The following STRN3 variants were observed in gnomAD, a reference collection of about 807,000 sequenced individuals.
STRN3 encodes the protein striatin-3.
A neutral mutation model predicts 95.6 loss-of-function variants in STRN3; 29 were observed. The observed-to-expected ratio is 0.30, with a 90% CI of 0.23 to 0.41. The LOEUF is 0.41. STRN3 is among the 10% of genes least tolerant of loss of function. STRN3 has a pLI of 1.00. For synonymous variants in STRN3, 331 were observed against 357.6 expected (o/e 0.93, Z 0.84); for missense variants, 890 against 972.1 (o/e 0.92, Z 1.12).
At chr14:30,994,846 T>G (rs1216006517) in intron 1 of STRN3, among the ~76,000 whole-genome samples, 2 of 152,364 alleles carry the variant, frequency 1.3e-5, no homozygotes, top group Non-Finnish European at 2.9e-5. Flanking sequence ...CAAAATAATT[T>G]GGTCATTTAA....
chr14:30,996,308 C>A (rs1343861439), intron 1 of STRN3, among the ~76,000 whole-genome samples: 1 of 152,106 alleles, frequency 6.6e-6, no homozygotes, highest in Non-Finnish European at 1.5e-5. Flanking sequence ...TAGAAAGGAG[C>A]CACTAGCACA....
intron 1 of STRN3, among the ~76,000 whole-genome samples, chr14:30,977,710 T>C (rs1881175025): frequency 1.3e-5 from 2 of 148,904 alleles, no homozygotes. Context: ...GGAGAATCGC[T>C]TGAACCCAGA....
rs755337654 is a variant in STRN3 at position 30,902,596 on chromosome 14, G to A, written c.2077C>T (p.Leu693Phe). 6.2e-6 allele frequency: 10 copies of A among 1,609,176 alleles called. No homozygotes were observed. In the South Asian group the frequency reaches 1.1e-4, roughly 18 times the overall value. The change falls in exon 16 of 18, where the codon CTT (leucine) becomes TTT (phenylalanine). Residue 693 changes from leucine to phenylalanine, a missense_variant. Transcript: ENST00000357479. Reference sequence around the variant, plus strand: ...TCATGAGCAGTTATTGTAACAGGAAGTGTGGGATGACTTACTACTCTGTTG... The same window carrying A: ...TCATGAGCAGTTATTGTAACAGGAAATGTGGGATGACTTACTACTCTGTTG... ...HINRVVSHPTLPVTITAHEDR... is the reference protein window; with the variant it reads ...HINRVVSHPTFPVTITAHEDR...
At chr14:30,911,216 C>A in intron 12 of STRN3, 54 bp from the exon 13 acceptor site, 1 of 1,540,096 alleles carries the variant, frequency 6.5e-7, no homozygotes, top group South Asian at 1.2e-5. Context: ...AGAAGAAACT[C>A]AAATCTCCAT....
Position 30,981,912 on chromosome 14 carries a change from T to C in STRN3, c.283-25670A>G, listed in dbSNP as rs371286781. On this transcript the variant is annotated intron_variant, in intron 1 of 17. Transcript: ENST00000357479. ...GAGTTCGAGACCAGCCTGGCCAACATGGTGAAACCCCATCTCTACTAAAAA... is the reference window on the plus strand; with the variant it reads ...GAGTTCGAGACCAGCCTGGCCAACACGGTGAAACCCCATCTCTACTAAAAA... 1.0e-3 allele frequency among the ~76,000 whole-genome samples: 159 copies of C among 151,978 alleles called. 5 individuals are homozygous for C. The South Asian group carries it at 0.031, about 30-fold the overall frequency.
intron 1 of STRN3, among the ~76,000 whole-genome samples, chr14:31,004,378 T>A (rs2139300492): frequency 6.6e-6 from 1 of 151,952 alleles, no homozygotes; most frequent in East Asian, 1.9e-4. Flanking sequence ...AAAGTAGGAA[T>A]CACTTAAGCC....
rs182885777 is a variant in STRN3, at chr14:31,023,421, G to C, written c.282+2483C>G. Among the ~76,000 whole-genome samples the C allele has an allele frequency of 1.9e-4, 29 of 152,228 alleles. 1 individual carries two copies. Among genetic ancestry groups the C allele is most frequent in the African/African-American group, 6.3e-4 (26 of 41,562 alleles). ...ACCTTTACTCTAAATTCTTTTTACAGAGAACAGAATCATACTGTAAAGTTC... is the reference window on the plus strand; with the variant it reads ...ACCTTTACTCTAAATTCTTTTTACACAGAACAGAATCATACTGTAAAGTTC... On this transcript the variant is annotated intron_variant, in intron 1 of 17. Transcript: ENST00000357479.
chr14:30,931,990 G>C (rs994307823), intron 7 of STRN3: 3 of 152,270 alleles, frequency 2.0e-5, no homozygotes, highest in African/African-American at 7.2e-5. Flanking sequence ...ATCTGGGCTG[G>C]GCATCATGGC....
chr14:31,007,973 A>T (rs1222333914), intron 1 of STRN3, among the ~76,000 whole-genome samples: 10 of 151,310 alleles, frequency 6.6e-5, no homozygotes. Flanking sequence ...CAGGCGGATC[A>T]CCTGAGGTCA....
chr14:30,935,202 C>T lies in STRN3; in HGVS notation c.949G>A (p.Ala317Thr). The change falls in exon 7 of 18, where the codon GCT (alanine) becomes ACT (threonine). Residue 317 changes from alanine (A) to threonine (T), a missense_variant. By Grantham distance (58) the Ala-to-Thr change is moderately conservative. Transcript: ENST00000357479. Reference protein sequence around the residue: ...FLVTAEDGEGAGEARSSGDGT... With the variant: ...FLVTAEDGEGTGEARSSGDGT... ...TCCCCCGAACTCCGTGCTTCTCCAG[C>T]TCCTTCACCATCTTCAGCAGTCACT... The T allele has an allele frequency of 6.2e-7, 1 of 1,614,160 alleles. No individual in the cohort carries two copies. Among genetic ancestry groups the T allele is most frequent in the African/African-American group, 1.3e-5 (1 of 75,042 alleles).
chr14:31,004,542 G>A (rs1167061784), intron 1 of STRN3, among the ~76,000 whole-genome samples: 1 of 152,144 alleles, frequency 6.6e-6, no homozygotes, highest in Non-Finnish European at 1.5e-5. Context: ...GGGAGGCCGA[G>A]GCGGGTGGAT....
At chr14:30,929,591 A>G (rs933070133) in intron 7 of STRN3, among the ~76,000 whole-genome samples, 2 of 152,112 alleles carry the variant, frequency 1.3e-5, no homozygotes, top group Non-Finnish European at 1.5e-5. Flanking sequence ...TGACATTAGA[A>G]ATCTAATGTT....
chr14:30,895,760 A>G lies in STRN3; in HGVS notation c.2138-12T>C, dbSNP rs750641103. The stretch of plus-strand genomic sequence containing the variant: ...ATGGATCATTTTACCTAAACAAAAC[A>G]TAACAGAGAACTGATTAAGTTTTCA... On this transcript the variant is annotated splice_polypyrimidine_tract_variant and intron_variant, in intron 16 of 17. Coordinates refer to ENST00000357479, the MANE Select transcript of STRN3 (RefSeq NM_001083893.2). The G allele has an allele frequency of 1.6e-5, 26 of 1,604,200 alleles. No individual in the cohort carries two copies. Among genetic ancestry groups the G allele is most frequent in the Admixed American group, 6.9e-5 (4 of 57,992 alleles).
intron 1 of STRN3, among the ~76,000 whole-genome samples, chr14:31,013,134 G>A (rs1883047767): frequency 1.3e-5 from 2 of 151,120 alleles, no homozygotes; most frequent in Admixed American, 1.3e-4. Flanking sequence ...CAGGTGTGGA[G>A]GCATGTTCCT....
At chr14:30,906,382 A>C (rs910458452) in intron 14 of STRN3, among the ~76,000 whole-genome samples, 2 of 152,250 alleles carry the variant, frequency 1.3e-5, no homozygotes, top group African/African-American at 4.8e-5. Flanking sequence ...TGTCTTCAAA[A>C]GGTAAACTGG....
chr14:30,957,143 G>A (rs983191910), intron 1 of STRN3, among the ~76,000 whole-genome samples: 2 of 151,070 alleles, frequency 1.3e-5, no homozygotes, highest in Non-Finnish European at 2.9e-5. Flanking sequence ...GGGCAACAGA[G>A]CGACACTCTG....
chr14:30,920,192 T>C lies in STRN3; in HGVS notation c.1100-1086A>G, dbSNP rs868783864. 3.3e-5 allele frequency among the ~76,000 whole-genome samples: 5 copies of C among 152,302 alleles called. No individual in the cohort carries two copies. The South Asian group carries it at 1.0e-3, about 32-fold the overall frequency. ...TTAAGATGGTAAAACTTAGTGGAAA[T>C]AGGTGGACTTTTATACATTTATTGG... is the stretch of plus-strand genomic sequence containing the variant. On this transcript the variant is annotated intron_variant, in intron 8 of 17. Transcript: ENST00000357479.
rs181973747 is a variant in STRN3, at chr14:30,909,314, G to A, written c.1720+1727C>T. ...GAGCCCAGGAGTTTAAGACCACCCC[G>A]GGCAACATGGCCACCATTTCTACAA... On this transcript the variant is annotated intron_variant, in intron 13 of 17. Coordinates refer to ENST00000357479, the MANE Select transcript of STRN3 (RefSeq NM_001083893.2). 3.4e-4 allele frequency among the ~76,000 whole-genome samples: 51 copies of A among 152,204 alleles called. 1 individual carries two copies. The highest frequency in any genetic ancestry group is 6.5e-4 in the Admixed American group (10 of 15,292).
chr14:30,952,778 C>T (rs1228346353), intron 3 of STRN3, among the ~76,000 whole-genome samples: 1 of 152,050 alleles, frequency 6.6e-6, no homozygotes, highest in African/African-American at 2.4e-5. Context: ...TTATTTCATT[C>T]TAATAGTCCC....
Sources: allele counts gnomAD v4.1 joint callset (sites outside exome capture counted in the v4.1 genomes callset), GRCh38; gene constraint gnomAD v4.1.1; transcripts MANE v1.5; gene names NCBI Gene and HGNC (gene_info 2026-07-23, HGNC 2026-07-21).